Variants in TMEM52B observed in about 807,000 individuals in gnomAD.
The protein encoded by TMEM52B is transmembrane protein 52B.
Under a neutral mutation model 16.1 loss-of-function variants are expected in TMEM52B, and 11 were observed. The ratio of observed to expected loss-of-function variants is 0.68; its 90% CI spans 0.43 to 1.13. The LOEUF is 1.13. Among genes scored for constraint, TMEM52B ranks in the 50% most tolerant of loss-of-function variants. The probability of loss-of-function intolerance (pLI) is 0.00; values close to 1 mark genes in which losing one functional copy is unlikely to be tolerated. For missense variants in TMEM52B, 243 were observed against 230.4 expected (o/e 1.05, Z -0.35); for synonymous variants, 101 against 93.8 (o/e 1.08, Z -0.45).
In TMEM52B at chr12:10,189,902, A is replaced by C. The variant is rs1304820330; in HGVS notation, c.314A>C (p.Gln105Pro). 1 of 1,613,760 alleles carries C rather than the reference A, an allele frequency of 6.2e-7. No individual in the cohort carries two copies. The highest frequency in any genetic ancestry group is 8.5e-7 in the Non-Finnish European group (1 of 1,180,016). ...STLQSTITSL[Q>P]SVFGPAARRI... is the part of the protein sequence containing the mutation. Reference sequence around the variant, plus strand: ...GTTCCTTCTTTCTTCACAGCTCTGCAGTCGGTGTTTGGCCCTGCAGCTCGG... The same window carrying C: ...GTTCCTTCTTTCTTCACAGCTCTGCCGTCGGTGTTTGGCCCTGCAGCTCGG... The change falls in exon 5 of 5, where the codon CAG becomes CCG. Residue 105 changes from glutamine (Q) to proline (P), a missense_variant. By Grantham distance (76) the Gln-to-Pro change is moderately conservative (BLOSUM62 -1). Coordinates refer to ENST00000543484, the MANE Select transcript of TMEM52B (RefSeq NM_001384896.1).
chr12:10,172,958 G>A (rs1276958197), intron 1 of TMEM52B, among the ~76,000 whole-genome samples: 31 of 152,114 alleles, frequency 2.0e-4, no homozygotes, highest in East Asian at 1.9e-4. Context: ...AAAATGTCAC[G>A]TTGCTATAGG....
Position 10,179,242 on chromosome 12 carries a change from T to C in TMEM52B, c.-333T>C, listed in dbSNP as rs1055156532. The C allele has an allele frequency of 3.5e-6, 1 of 289,596 alleles. No homozygotes were observed. The highest frequency in any genetic ancestry group is 6.7e-6 in the Non-Finnish European group (1 of 149,296). 17.9% of individuals were successfully genotyped at this position (289,596 alleles called of 1,614,324 possible). A position where few individuals can be genotyped will look rare whatever the true frequency, so the allele number is the denominator to read the frequency against. ...ATGTCCTCTTTGAATGTCTCCTTTT[T>C]GGGAGCAGTAGGAGAAAGAAACTTC... On this transcript the variant is annotated 5_prime_UTR_variant, in exon 1 of 5. Transcript: ENST00000543484.
upstream of TMEM52B, among the ~76,000 whole-genome samples, chr12:10,176,113 C>A (rs1243731413): frequency 6.6e-6 from 1 of 152,172 alleles, no homozygotes; most frequent in Non-Finnish European, 1.5e-5. Context: ...TTCCCTCTAT[C>A]CCAGCTACCT....
chr12:10,171,470 A>G (rs1948716188), intron 1 of TMEM52B, among the ~76,000 whole-genome samples: 1 of 152,252 alleles, frequency 6.6e-6, no homozygotes, highest in African/African-American at 2.4e-5. Flanking sequence ...TATACTGAAT[A>G]TCATTTACTT....
At chr12:10,189,623 CAAAAA>C (rs766090432) in intron 4 of TMEM52B, among the ~76,000 whole-genome samples, 1 of 82,940 alleles carries the variant, frequency 1.2e-5, no homozygotes. Flanking sequence ...AACTCCGTCT[CAAAAA>C]AAAAAAAAAA....
At chr12:10,176,043 C>T (rs1400203517), upstream of TMEM52B, among the ~76,000 whole-genome samples, 1 of 152,210 alleles carries the variant, frequency 6.6e-6, no homozygotes. Context: ...TGGACATAAG[C>T]TAATGATTCA....
chr12:10,174,501 C>G (rs917589975), upstream of TMEM52B, among the ~76,000 whole-genome samples: 8 of 152,116 alleles, frequency 5.3e-5, no homozygotes, highest in African/African-American at 1.9e-4. Flanking sequence ...GCCTAAAGAA[C>G]AAAAAGCTTC....
chr12:10,183,981 G>A (rs755239052), intron 2 of TMEM52B, among the ~76,000 whole-genome samples: 5 of 152,186 alleles, frequency 3.3e-5, no homozygotes, highest in Non-Finnish European at 7.3e-5. Context: ...TTAGGATGGG[G>A]CTGGTCATTG....
intron 1 of TMEM52B, among the ~76,000 whole-genome samples, chr12:10,180,797 T>TTTG (rs922588178): frequency 5.4e-4 from 82 of 151,996 alleles, no homozygotes; most frequent in Middle Eastern, 3.4e-3. Flanking sequence ...ACTTAAATGG[T>TTTG]TTGTTGTTGT....
At chr12:10,179,987 G>A (rs1484146827) in intron 1 of TMEM52B, among the ~76,000 whole-genome samples, 7 of 152,072 alleles carry the variant, frequency 4.6e-5, no homozygotes, top group African/African-American at 1.4e-4. Context: ...TCCCCTAAAC[G>A]GAATTTCCCA....
At chr12:10,183,678 C>G (rs1311750470) in intron 2 of TMEM52B, among the ~76,000 whole-genome samples, 1 of 151,448 alleles carries the variant, frequency 6.6e-6, no homozygotes, top group Non-Finnish European at 1.5e-5. Flanking sequence ...TTCATTCTTA[C>G]AGAGAAAATT....
rs1948945438 is a variant in TMEM52B at position 10,190,462 on chromosome 12, T to C, written c.*322T>C. 3.7e-6 allele frequency: 1 copy of C among 271,246 alleles called. No homozygotes were observed. The highest frequency in any genetic ancestry group is 7.3e-6 in the Non-Finnish European group (1 of 137,710). The allele number at this position is 271,246 out of a possible 1,614,324, so 16.8% of individuals were successfully genotyped here. A position where few individuals can be genotyped will look rare whatever the true frequency, so the allele number is the denominator to read the frequency against. ...TGCATATAGAATTCCTGTACCCACATGATACTGCAAGTTGTGTCTCTCTCT... is the reference window on the plus strand; with the variant it reads ...TGCATATAGAATTCCTGTACCCACACGATACTGCAAGTTGTGTCTCTCTCT... On this transcript the variant is annotated 3_prime_UTR_variant, in exon 5 of 5. Coordinates refer to ENST00000543484, the MANE Select transcript of TMEM52B (RefSeq NM_001384896.1).
rs1205134513 is a variant in TMEM52B, at chr12:10,190,069, C to T, written c.481C>T (p.Pro161Ser). ...MCGQKAPDLP[P>S]VPEEKQLPPT... ...CGGGCAGAAAGCACCTGATCTACCCCCAGTACCTGAAGAAAAGCAGCTGCC... is the reference window on the plus strand; with the variant it reads ...CGGGCAGAAAGCACCTGATCTACCCTCAGTACCTGAAGAAAAGCAGCTGCC... Residue 161 changes from proline (P) to serine (S), a missense_variant, in exon 5 of 5, where the codon CCA becomes TCA. By Grantham distance (74) the Pro-to-Ser change is moderately conservative. Transcript: ENST00000543484. 3.1e-6 allele frequency: 5 copies of T among 1,614,002 alleles called. No individual in the cohort carries two copies. The highest frequency in any genetic ancestry group is 1.7e-5 in the Admixed American group (1 of 59,980).
intron 4 of TMEM52B, among the ~76,000 whole-genome samples, chr12:10,189,623 CA>C (rs766090432): frequency 1.1e-3 from 90 of 82,912 alleles, no homozygotes; most frequent in Middle Eastern, 6.2e-3. Flanking sequence ...AACTCCGTCT[CA>C]AAAAAAAAAA....
intron 4 of TMEM52B, among the ~76,000 whole-genome samples, chr12:10,187,443 GCC>G (rs1344405635): frequency 1.3e-5 from 2 of 151,634 alleles, no homozygotes; most frequent in African/African-American, 4.9e-5. Flanking sequence ...TCCCTCTGTT[GCC>G]CAGGCTGGAG....
At chr12:10,189,850 T>C (rs751628473) in intron 4 of TMEM52B, 46 bp from the exon 5 acceptor site, 7 of 1,603,788 alleles carry the variant, frequency 4.4e-6, no homozygotes, top group Non-Finnish European at 6.0e-6. Flanking sequence ...TCTGAGGGTG[T>C]CCTGTTTCCC....
chr12:10,182,460 A>C, intron 1 of TMEM52B, 90 bp from the exon 2 acceptor site: 1 of 1,490,894 alleles, frequency 6.7e-7, no homozygotes, highest in Non-Finnish European at 8.9e-7. Context: ...GCTTGATCTA[A>C]CACAGCACAA....
chr12:10,185,075 TC>T (rs1402034591), intron 2 of TMEM52B, among the ~76,000 whole-genome samples: 1 of 152,220 alleles, frequency 6.6e-6, no homozygotes, highest in Non-Finnish European at 1.5e-5. Flanking sequence ...TATGGACACT[TC>T]TAATGATCAC....
upstream of TMEM52B, among the ~76,000 whole-genome samples, chr12:10,176,378 T>C (rs563439312): frequency 6.6e-6 from 1 of 152,242 alleles, no homozygotes; most frequent in African/African-American, 2.4e-5. Context: ...CAGAACCTAT[T>C]TTGTTCAAAC....
Sources: allele counts gnomAD v4.1 joint callset (sites outside exome capture counted in the v4.1 genomes callset), GRCh38; gene constraint gnomAD v4.1.1; transcripts MANE v1.5; gene names NCBI Gene and HGNC (gene_info 2026-07-23, HGNC 2026-07-21).